The following NELL2 variants were observed in gnomAD, a reference collection of about 807,000 sequenced individuals.
The protein encoded by NELL2 is protein kinase C-binding protein NELL2.
In NELL2, 41 loss-of-function variants were observed where a neutral mutation model predicts 109.6. That is an observed-to-expected ratio of 0.37 (90% CI 0.29 to 0.49). NELL2 has a LOEUF of 0.49. Ranked by LOEUF, NELL2 falls within the 20% of genes least tolerant of loss-of-function variation. NELL2 has a pLI of 0.98. For missense variants in NELL2, 900 were observed against 1,008.3 expected (o/e 0.89, Z 1.45); for synonymous variants, 355 against 344.7 (o/e 1.03, Z -0.33).
At chr12:44,644,526 A>G (rs762085967) in intron 13 of NELL2, among the ~76,000 whole-genome samples, 3 of 148,184 alleles carry the variant, frequency 2.0e-5, no homozygotes, top group African/African-American at 5.0e-5. Context: ...TTGACTGTCA[A>G]TCTTCTGAAG....
chr12:44,755,147 C>T (rs900094091), intron 9 of NELL2, among the ~76,000 whole-genome samples: 1 of 152,174 alleles, frequency 6.6e-6, no homozygotes, highest in Non-Finnish European at 1.5e-5. Flanking sequence ...GGCCTTTTGG[C>T]TCTCCCTGAA....
intron 9 of NELL2, among the ~76,000 whole-genome samples, chr12:44,717,351 T>G (rs911046306): frequency 3.9e-5 from 6 of 152,168 alleles, no homozygotes; most frequent in African/African-American, 1.4e-4. Context: ...TTAACAAATA[T>G]GTACTGAGCT....
intron 15 of NELL2, among the ~76,000 whole-genome samples, chr12:44,569,699 A>C (rs952227932): frequency 6.6e-6 from 1 of 152,194 alleles, no homozygotes; most frequent in Non-Finnish European, 1.5e-5. Flanking sequence ...ATATGAAGCA[A>C]CTGAAATACT....
chr12:44,590,554 T>C (rs1944707006), intron 15 of NELL2, among the ~76,000 whole-genome samples: 1 of 152,206 alleles, frequency 6.6e-6, no homozygotes, highest in Non-Finnish European at 1.5e-5. Context: ...ACTGAAATTG[T>C]GTTTTTGCCA....
chr12:44,551,367 T>C (rs146443439), intron 15 of NELL2, among the ~76,000 whole-genome samples: 25 of 152,324 alleles, frequency 1.6e-4, no homozygotes, highest in African/African-American at 5.5e-4. Flanking sequence ...ATATATAATA[T>C]ATATGTCATG....
intron 11 of NELL2, among the ~76,000 whole-genome samples, chr12:44,707,231 G>T (rs905637976): frequency 1.6e-4 from 24 of 152,186 alleles, no homozygotes; most frequent in African/African-American, 5.1e-4. Flanking sequence ...ATTTCTTCAG[G>T]TCAGGGCATA....
intron 5 of NELL2, among the ~76,000 whole-genome samples, chr12:44,778,099 T>G (rs1179664012): frequency 6.6e-6 from 1 of 152,174 alleles, no homozygotes; most frequent in Non-Finnish European, 1.5e-5. Flanking sequence ...CATTTCTTCA[T>G]GGCCTTTATA....
chr12:44,679,461 A>G (rs1302454616), intron 12 of NELL2, among the ~76,000 whole-genome samples: 1 of 151,976 alleles, frequency 6.6e-6, no homozygotes, highest in African/African-American at 2.4e-5. Context: ...TGAATCCACC[A>G]CCTGACATTT....
chr12:44,612,535 G>A (rs988648661), intron 13 of NELL2, among the ~76,000 whole-genome samples: 3 of 151,530 alleles, frequency 2.0e-5, no homozygotes, highest in Non-Finnish European at 4.4e-5. Flanking sequence ...GATTACTACT[G>A]GTAGCTTAGA....
intron 11 of NELL2, among the ~76,000 whole-genome samples, chr12:44,709,647 T>C (rs1938084626): frequency 6.6e-6 from 1 of 152,218 alleles, no homozygotes; most frequent in African/African-American, 2.4e-5. Context: ...AGTGTGGTCC[T>C]GCTTGCCATC....
At chr12:44,618,751 G>T (rs1477871281) in intron 13 of NELL2, among the ~76,000 whole-genome samples, 2 of 152,118 alleles carry the variant, frequency 1.3e-5, no homozygotes, top group East Asian at 1.9e-4. Flanking sequence ...TATTGTAGAA[G>T]TTGTTTAGTG....
intron 9 of NELL2, among the ~76,000 whole-genome samples, chr12:44,773,407 C>T (rs1326055100): frequency 1.3e-5 from 2 of 151,822 alleles, no homozygotes; most frequent in Non-Finnish European, 2.9e-5. Flanking sequence ...ACCTGGAAGG[C>T]GGAGCTTGCA....
intron 6 of NELL2, 34 bp downstream of exon 6, chr12:44,777,208 G>T (rs1203820266): frequency 6.2e-7 from 1 of 1,606,744 alleles, no homozygotes; most frequent in African/African-American, 1.3e-5. Flanking sequence ...AGTAATATAT[G>T]GGGACTCCAC....
intron 15 of NELL2, among the ~76,000 whole-genome samples, chr12:44,541,126 C>T (rs1942541160): frequency 6.6e-6 from 1 of 151,260 alleles, no homozygotes; most frequent in African/African-American, 2.4e-5. Flanking sequence ...TGGTGGCTGC[C>T]TGTAGTCCCA....
At chr12:44,510,472 A>C (rs1940948607) in intron 19 of NELL2, among the ~76,000 whole-genome samples, 1 of 152,220 alleles carries the variant, frequency 6.6e-6, no homozygotes, top group South Asian at 2.1e-4. Context: ...ATTGAAATGC[A>C]TTATACTTTA....
intron 2 of NELL2, among the ~76,000 whole-genome samples, chr12:44,856,214 C>G (rs1592661336): frequency 6.6e-6 from 1 of 152,234 alleles, no homozygotes; most frequent in South Asian, 2.1e-4. Context: ...AGAGATGCTC[C>G]CCATCTTCTA....
intron 1 of NELL2, 87 bp downstream of exon 1, chr12:44,875,728 G>A (rs1945299321): frequency 1.2e-6 from 2 of 1,608,734 alleles, no homozygotes; most frequent in East Asian, 2.2e-5. Flanking sequence ...CTTTGGGTCC[G>A]GGAAAAGCGA....
At chr12:44,730,678 A>G (rs908061565) in intron 9 of NELL2, among the ~76,000 whole-genome samples, 2 of 152,126 alleles carry the variant, frequency 1.3e-5, no homozygotes, top group Non-Finnish European at 2.9e-5. Context: ...ACATTTAAAA[A>G]TAGAAAGATC....
intron 13 of NELL2, among the ~76,000 whole-genome samples, chr12:44,652,700 C>CA (rs2136318940): frequency 6.6e-6 from 1 of 152,270 alleles, no homozygotes. Flanking sequence ...CTATTGTTGC[C>CA]ATAACAAATT....
Sources: allele counts gnomAD v4.1 joint callset (sites outside exome capture counted in the v4.1 genomes callset), GRCh38; gene constraint gnomAD v4.1.1; transcripts MANE v1.5; gene names NCBI Gene and HGNC (gene_info 2026-07-23, HGNC 2026-07-21).